IQSEC3: variants seen among roughly 807,000 people sequenced by gnomAD.
IQSEC3 encodes IQ motif and SEC7 domain-containing protein 3.
In IQSEC3, 50 loss-of-function variants were observed where a neutral mutation model predicts 105.4. That is an observed-to-expected ratio of 0.47 (90% confidence interval 0.38 to 0.60). The LOEUF (loss-of-function observed/expected upper bound fraction) is 0.60. Ranked by LOEUF, IQSEC3 falls within the 20% of genes least tolerant of loss-of-function variation. The probability of loss-of-function intolerance (pLI) is 0.00; values close to 1 mark genes in which losing one functional copy is unlikely to be tolerated. For missense variants in IQSEC3, 1,415 were observed against 1,630.0 expected (o/e 0.87, Z 2.27); for synonymous variants, 708 against 746.0 (o/e 0.95, Z 0.83).
intron 2 of IQSEC3, among the ~76,000 whole-genome samples, chr12:112,400 A>C (rs1591668717): frequency 1.3e-5 from 2 of 152,264 alleles, no homozygotes; most frequent in East Asian, 3.9e-4. Flanking sequence ...TTGCTGACCT[A>C]AGCCAATTCA....
intron 3 of IQSEC3, among the ~76,000 whole-genome samples, chr12:136,943 C>T (rs1283547846): frequency 5.3e-5 from 8 of 152,096 alleles, no homozygotes; most frequent in South Asian, 4.1e-4. Context: ...AGAAAACCCA[C>T]GGACAGGAGG....
At chr12:129,830 A>C (rs1215907370) in intron 3 of IQSEC3, among the ~76,000 whole-genome samples, 1 of 152,116 alleles carries the variant, frequency 6.6e-6, no homozygotes, top group African/African-American at 2.4e-5. Context: ...CCCTCCCCAC[A>C]GATCCCCATA....
In IQSEC3 at chr12:177,886, C is replaced by T. The variant is rs567023614; in HGVS notation, c.*2853C>T. ...GGGCCTTCCTGCTCTCCTAAGGTTG[C>T]GGGGACAGTAGAGTGCTGAGCCCCA... On this transcript the variant is annotated 3_prime_UTR_variant, in exon 14 of 14. Transcript: ENST00000538872. The surrounding 1 kb of genome is among the most constrained non-coding windows in gnomAD (Gnocchi z 5.3). 3.9e-5 allele frequency: 6 copies of T among 152,558 alleles called. No individual in the cohort carries two copies. In the South Asian group the frequency reaches 1.0e-3, roughly 26 times the overall value. 9.5% of individuals were successfully genotyped at this position (152,558 alleles called of 1,614,324 possible). A position where few individuals can be genotyped will look rare whatever the true frequency, so the allele number is the denominator to read the frequency against.
chr12:168,913 C>G, intron 11 of IQSEC3, 100 bp from the exon 12 acceptor site: 1 of 984,466 alleles, frequency 1.0e-6, no homozygotes, highest in Non-Finnish European at 1.6e-6. Context: ...GGGACCTCTC[C>G]TCCTCTTCCT....
chr12:99,384 G>C (rs1686989613), intron 2 of IQSEC3, among the ~76,000 whole-genome samples, 170 bp downstream of exon 2: 1 of 152,072 alleles, frequency 6.6e-6, no homozygotes. Flanking sequence ...GCTCCCTCTG[G>C]ACCCCAAATG....
chr12:167,906 A>G (rs1938756643), intron 11 of IQSEC3, among the ~76,000 whole-genome samples: 2 of 152,354 alleles, frequency 1.3e-5, no homozygotes, highest in African/African-American at 2.4e-5. Context: ...ACTTGTAATT[A>G]TCAGGCTAAT....
rs1408851425 is a variant in IQSEC3, at chr12:138,073, T to C, written c.904-194T>C. ...GTCCCCAGAACGGACCCCTCCGTCC[T>C]ACACCTCTAGGAGTCTTGCCACGTG... On this transcript the variant is annotated intron_variant, in intron 3 of 13. Coordinates refer to ENST00000538872, the MANE Select transcript of IQSEC3 (RefSeq NM_001170738.2). The surrounding 1 kb of genome is among the most constrained non-coding windows in gnomAD (Gnocchi z 7.1). Among the ~76,000 whole-genome samples the C allele has an allele frequency of 6.6e-6, 1 of 152,124 alleles. No individual in the cohort carries two copies.
Position 141,109 on chromosome 12 carries a change from C to T in IQSEC3, c.1992-15C>T. The T allele has an allele frequency of 1.3e-6, 2 of 1,583,506 alleles. No individual in the cohort carries two copies. The highest frequency in any genetic ancestry group is 1.3e-5 in the African/African-American group (1 of 74,176). On this transcript the variant is annotated splice_polypyrimidine_tract_variant and intron_variant, in intron 4 of 13. Coordinates refer to ENST00000538872, the MANE Select transcript of IQSEC3 (RefSeq NM_001170738.2). ...CAGCTCACTCTCTACTGCTTCTCCC[C>T]ACCCCCACCTCCAGAAACCCCGACA...
intron 1 of IQSEC3, among the ~76,000 whole-genome samples, chr12:94,234 C>T (rs1864178688): frequency 1.3e-5 from 2 of 152,184 alleles, no homozygotes; most frequent in South Asian, 4.1e-4. Flanking sequence ...CACATGAATG[C>T]CCGCTTGCCA....
rs571061581 is a variant in IQSEC3 at position 176,072 on chromosome 12, A to C, written c.*1039A>C. 1.1e-4 allele frequency: 17 copies of C among 151,998 alleles called. No homozygotes were observed. Among genetic ancestry groups the C allele is most frequent in the East Asian group, 3.9e-4 (2 of 5,140 alleles). The allele number at this position is 151,998 out of a possible 1,614,324, so 9.4% of individuals were successfully genotyped here. A position where few individuals can be genotyped will look rare whatever the true frequency, so the allele number is the denominator to read the frequency against. ...TTGGGTGCAGATGTAAGCAAGAAAA[A>C]CCGGGGCTCCAGAGGCATGTGCATT... is the stretch of plus-strand genomic sequence containing the variant. On this transcript the variant is annotated 3_prime_UTR_variant, in exon 14 of 14. Coordinates refer to ENST00000538872, the MANE Select transcript of IQSEC3 (RefSeq NM_001170738.2). This position sits in a 1 kb window ranked among gnomAD's most constrained non-coding sequence, Gnocchi z 4.0.
chr12:99,040 C>G, intron 1 of IQSEC3, 106 bp from the exon 2 acceptor site: 1 of 983,298 alleles, frequency 1.0e-6, no homozygotes, highest in African/African-American at 1.6e-5. Flanking sequence ...CTCAAAAGGG[C>G]GGGGGTAGGA....
intron 9 of IQSEC3, 146 bp downstream of exon 9, chr12:163,765 A>G: frequency 1.4e-6 from 1 of 701,008 alleles, no homozygotes; most frequent in Admixed American, 2.5e-5. Flanking sequence ...ATCTGCCTTC[A>G]TGGTGCTTTC....
intron 7 of IQSEC3, among the ~76,000 whole-genome samples, chr12:159,152 T>A (rs1366670263): frequency 1.3e-5 from 2 of 152,226 alleles, no homozygotes; most frequent in African/African-American, 4.8e-5. Flanking sequence ...ATCTATACTT[T>A]CCTTGGAGTT....
At chr12:86,345 C>T (rs1863916570) in intron 1 of IQSEC3, among the ~76,000 whole-genome samples, 1 of 152,082 alleles carries the variant, frequency 6.6e-6, no homozygotes, top group African/African-American at 2.4e-5. Context: ...GCTGAGATGG[C>T]CATCACCTTT....
intron 1 of IQSEC3, among the ~76,000 whole-genome samples, chr12:92,233 A>T (rs1864110324): frequency 6.6e-6 from 1 of 152,176 alleles, no homozygotes; most frequent in African/African-American, 2.4e-5. Context: ...AGCTTCCCTC[A>T]AGGAACATGG....
At chr12:114,807 C>T (rs1465700018) in intron 2 of IQSEC3, among the ~76,000 whole-genome samples, 1 of 152,218 alleles carries the variant, frequency 6.6e-6, no homozygotes, top group Non-Finnish European at 1.5e-5. Context: ...CCTGGCCTGC[C>T]CCATGGGGTA....
intron 5 of IQSEC3, among the ~76,000 whole-genome samples, chr12:146,307 G>A (rs1555091028): frequency 1.3e-5 from 2 of 152,194 alleles, no homozygotes; most frequent in African/African-American, 4.8e-5. Context: ...CAGACCTTAT[G>A]TGTCCGGAGG....
chr12:128,114 G>C (rs532042856), intron 3 of IQSEC3, among the ~76,000 whole-genome samples: 1 of 152,232 alleles, frequency 6.6e-6, no homozygotes, highest in Admixed American at 6.5e-5. Flanking sequence ...TCTTGCTTTA[G>C]TACTTGCTTT....
intron 2 of IQSEC3, among the ~76,000 whole-genome samples, chr12:125,394 G>A (rs58577859): frequency 0.32 from 48,095 of 151,824 alleles, 8,964 homozygotes; most frequent in East Asian, 0.49. Context: ...CTGAGCCCTG[G>A]CCATAGCTGC....
Sources: gnomAD v4.1 joint callset for allele counts (sites outside exome capture counted in the v4.1 genomes callset) on GRCh38, gnomAD v4.1.1 for gene constraint, Gnocchi (gnomAD v3.1) non-coding constraint, MANE v1.5 for transcripts, NCBI Gene and HGNC (gene_info 2026-07-23, HGNC 2026-07-21) for gene names.